The following RARB variants were observed in gnomAD, a reference collection of about 807,000 sequenced individuals.
RARB encodes the protein HBV-activated protein.
A neutral mutation model predicts 51.9 loss-of-function variants in RARB; 17 were observed. That is an observed-to-expected ratio of 0.33 (90% CI 0.22 to 0.49). The LOEUF (loss-of-function observed/expected upper bound fraction) is 0.49. Among genes scored for constraint, RARB ranks in the 20% least tolerant of loss-of-function variants. RARB has a pLI of 0.99. For missense variants in RARB, 369 were observed against 550.8 expected (o/e 0.67, Z 3.30); for synonymous variants, 215 against 195.4 (o/e 1.10, Z -0.84).
chr3:25,516,551 G>A (rs1698170262), intron 3 of RARB, among the ~76,000 whole-genome samples: 1 of 151,542 alleles, frequency 6.6e-6, no homozygotes, highest in East Asian at 1.9e-4. Flanking sequence ...GGTACAATAG[G>A]CAACCTAGTT....
At chr3:25,102,010 C>T (rs936285410) in intron 3 of RARB, among the ~76,000 whole-genome samples, 1 of 152,076 alleles carries the variant, frequency 6.6e-6, no homozygotes, top group East Asian at 1.9e-4. Context: ...GTACAGGTCT[C>T]CAGTCCTTAA....
chr3:25,113,237 G>A (rs1295181530), intron 3 of RARB, among the ~76,000 whole-genome samples: 1 of 151,924 alleles, frequency 6.6e-6, no homozygotes, highest in African/African-American at 2.4e-5. Context: ...CTCCTTTTCT[G>A]CATTTTCTTC....
chr3:24,961,384 CA>C (rs1317253349), intron 2 of RARB, among the ~76,000 whole-genome samples: 1 of 152,204 alleles, frequency 6.6e-6, no homozygotes, highest in Admixed American at 6.5e-5. Context: ...ATCTCCCTAA[CA>C]GACTAACGGC....
intron 3 of RARB, among the ~76,000 whole-genome samples, chr3:25,521,150 AC>A (rs1260239344): frequency 6.6e-6 from 1 of 152,166 alleles, no homozygotes; most frequent in African/African-American, 2.4e-5. Flanking sequence ...AAAGGGCGTT[AC>A]CTTTCTCCTG....
At chr3:24,964,171 C>T (rs1055859623) in intron 2 of RARB, among the ~76,000 whole-genome samples, 1 of 151,674 alleles carries the variant, frequency 6.6e-6, no homozygotes, top group Admixed American at 6.6e-5. Flanking sequence ...ATAACCAGAT[C>T]TTTTTTGTGT....
intron 3 of RARB, among the ~76,000 whole-genome samples, chr3:25,079,863 C>A (rs1410649891): frequency 6.6e-6 from 1 of 152,134 alleles, no homozygotes; most frequent in African/African-American, 2.4e-5. Flanking sequence ...GTTTTCTTAA[C>A]AGGATTATCC....
chr3:25,122,098 A>C (rs1160601299), intron 3 of RARB, among the ~76,000 whole-genome samples: 1 of 152,128 alleles, frequency 6.6e-6, no homozygotes, highest in Non-Finnish European at 1.5e-5. Flanking sequence ...GAAACCCACA[A>C]CGCAAATAAG....
intron 4 of RARB, among the ~76,000 whole-genome samples, chr3:25,573,611 G>T (rs1436228291): frequency 1.3e-5 from 2 of 152,306 alleles, no homozygotes; most frequent in Middle Eastern, 3.4e-3. Flanking sequence ...ATCCTTTCTG[G>T]AAGTCGGTGG....
intron 5 of RARB, among the ~76,000 whole-genome samples, chr3:25,224,614 CTAT>C (rs532579550): frequency 5.7e-4 from 86 of 152,006 alleles, no homozygotes; most frequent in African/African-American, 1.9e-3. Flanking sequence ...TTAATTTTGC[CTAT>C]TATTATTTGA....
At chr3:25,015,376 T>C (rs1697485953) in intron 2 of RARB, among the ~76,000 whole-genome samples, 1 of 152,170 alleles carries the variant, frequency 6.6e-6, no homozygotes, top group Admixed American at 6.6e-5. Flanking sequence ...TTTCAAGAAA[T>C]GAATATTTCA....
chr3:24,970,333 C>T (rs1049941648), intron 2 of RARB, among the ~76,000 whole-genome samples: 10 of 152,016 alleles, frequency 6.6e-5, no homozygotes, highest in Admixed American at 4.6e-4. Flanking sequence ...GAAACCACCA[C>T]GAGTATTTCA....
At chr3:25,244,709 G>C (rs530094638) in intron 5 of RARB, among the ~76,000 whole-genome samples, 1 of 152,248 alleles carries the variant, frequency 6.6e-6, no homozygotes, top group South Asian at 2.1e-4. Flanking sequence ...TTTTGCATTT[G>C]CTGAGGCATG....
intron 2 of RARB, among the ~76,000 whole-genome samples, chr3:24,880,378 T>C (rs1030959624): frequency 2.0e-5 from 3 of 152,280 alleles, no homozygotes; most frequent in African/African-American, 7.2e-5. Context: ...GAATCTGTAA[T>C]TAATATCCTT....
intron 1 of RARB, among the ~76,000 whole-genome samples, chr3:24,847,439 C>T (rs1702498790): frequency 6.6e-6 from 1 of 152,114 alleles, no homozygotes. Context: ...ATTCTTCCAC[C>T]CTTGTTCTAC....
At chr3:25,473,703 A>G (rs1270570157) in intron 2 of RARB, among the ~76,000 whole-genome samples, 1 of 152,138 alleles carries the variant, frequency 6.6e-6, no homozygotes, top group Admixed American at 6.5e-5. Context: ...GAAGGCATAT[A>G]TATAGTGAAT....
At chr3:24,945,293 C>T (rs1249248698) in intron 2 of RARB, among the ~76,000 whole-genome samples, 1 of 151,932 alleles carries the variant, frequency 6.6e-6, no homozygotes, top group African/African-American at 2.4e-5. Context: ...TTTTTCTCTC[C>T]CTTTTAAAAG....
intron 2 of RARB, among the ~76,000 whole-genome samples, chr3:25,038,388 G>T (rs370014735): frequency 6.9e-6 from 1 of 144,582 alleles, no homozygotes; most frequent in Non-Finnish European, 1.5e-5. Context: ...AGTAAAGTCT[G>T]GGGGAATGAG....
At position 25,241,390 on chromosome 3, in the gene RARB, GA is replaced by G. The variant is rs113172497; in HGVS notation, c.178+66817del. On this transcript the variant is annotated intron_variant, in intron 5 of 11. Coordinates refer to the RARB transcript ENST00000383772. The stretch of plus-strand genomic sequence containing the variant: ...CAGTTTTGTTACGTAGGTATACATG[GA>G]ACCATGTTGGTTTGCTGCACCCATC... Among the ~76,000 whole-genome samples, 425 of 152,188 alleles carry G rather than the reference GA, an allele frequency of 2.8e-3. 2 individuals are homozygous for G. The highest frequency in any genetic ancestry group is 9.9e-3 in the African/African-American group (410 of 41,540).
At chr3:25,478,429 A>T (rs1239636049) in intron 2 of RARB, among the ~76,000 whole-genome samples, 2 of 152,178 alleles carry the variant, frequency 1.3e-5, no homozygotes, top group Non-Finnish European at 2.9e-5. Context: ...TGTAGGAAAA[A>T]TATGCATCTC....
Sources: allele counts gnomAD v4.1 joint callset (sites outside exome capture counted in the v4.1 genomes callset), GRCh38; gene constraint gnomAD v4.1.1; transcripts MANE v1.5; gene names NCBI Gene and HGNC (gene_info 2026-07-23, HGNC 2026-07-21).